PDE3B: variants seen among roughly 807,000 people sequenced by gnomAD.
PDE3B encodes the protein phosphodiesterase 3B, also known as cGMP-inhibited 3',5'-cyclic phosphodiesterase 3B.
A neutral mutation model predicts 116.8 loss-of-function variants in PDE3B; 66 were observed. That is an observed-to-expected ratio of 0.56 (90% CI 0.46 to 0.69). The LOEUF (loss-of-function observed/expected upper bound fraction) is 0.69. PDE3B is among the 30% of genes least tolerant of loss of function. The probability of loss-of-function intolerance (pLI) is 0.00; values close to 1 mark genes in which losing one functional copy is unlikely to be tolerated. For missense variants in PDE3B, 1,384 were observed against 1,368.1 expected, an observed-to-expected ratio of 1.01 and a Z score of -0.18; for synonymous variants, 595 against 533.6, an observed-to-expected ratio of 1.12 and a Z score of -1.59.
intron 12 of PDE3B, among the ~76,000 whole-genome samples, chr11:14,851,869 G>A (rs1847760992): frequency 6.6e-6 from 1 of 152,062 alleles, no homozygotes; most frequent in African/African-American, 2.4e-5. Flanking sequence ...ATTTCTGATT[G>A]CCCACTTATT....
rs1160046784 is a variant in PDE3B, at chr11:14,645,026, G to A, written c.951G>A (p.Pro317=). The change falls in exon 1 of 16, where the codon CCG becomes CCA. Residue 317 remains proline (P), a synonymous_variant. Coordinates refer to ENST00000282096, the MANE Select transcript of PDE3B (RefSeq NM_000922.4). ...YYGSCKIFRR[P]SLPCISREQM... Reference sequence around the variant, plus strand: ...GCAGTTGCAAAATATTCAGGAGACCGTCGTTGCCTTGTATTTCCAGAGAAC... The same window carrying A: ...GCAGTTGCAAAATATTCAGGAGACCATCGTTGCCTTGTATTTCCAGAGAAC... 1.2e-6 allele frequency: 2 copies of A among 1,611,254 alleles called. No homozygotes were observed. Among genetic ancestry groups the A allele is most frequent in the Admixed American group, 3.4e-5 (2 of 59,640 alleles).
Position 14,850,359 on chromosome 11 carries a change from G to A in PDE3B, c.2520+6333G>A, listed in dbSNP as rs1412157097. ...GTTGTAGGGTGGGGGAAGGGGGGAG[G>A]GATAGCTTTAGGAGATATACCTAAT... On this transcript the variant is annotated intron_variant, in intron 12 of 15. Coordinates refer to ENST00000282096, the MANE Select transcript of PDE3B (RefSeq NM_000922.4). Among the ~76,000 whole-genome samples the A allele has an allele frequency of 3.3e-5, 5 of 151,874 alleles. No homozygotes were observed. The East Asian group carries it at 9.6e-4, about 29-fold the overall frequency.
At chr11:14,739,150 G>A (rs1856689091) in intron 1 of PDE3B, among the ~76,000 whole-genome samples, 1 of 152,182 alleles carries the variant, frequency 6.6e-6, no homozygotes, top group African/African-American at 2.4e-5. Flanking sequence ...AAAGTCAATG[G>A]TAGCTTGATG....
intron 1 of PDE3B, among the ~76,000 whole-genome samples, chr11:14,731,691 C>G (rs1313230861): frequency 6.6e-6 from 1 of 152,100 alleles, no homozygotes; most frequent in Non-Finnish European, 1.5e-5. Context: ...CAGAGAAACT[C>G]AGTCATATAA....
intron 12 of PDE3B, 96 bp downstream of exon 12, chr11:14,844,122 C>A: frequency 3.5e-6 from 3 of 852,164 alleles, no homozygotes; most frequent in Admixed American, 1.9e-5. Flanking sequence ...ATCATATGTC[C>A]AATCCATCTG....
intron 1 of PDE3B, among the ~76,000 whole-genome samples, chr11:14,761,563 T>G (rs1857360274): frequency 6.6e-6 from 1 of 152,168 alleles, no homozygotes; most frequent in African/African-American, 2.4e-5. Context: ...TGTTTAAAGT[T>G]TATTGGAAAA....
At chr11:14,753,034 T>C (rs187350431) in intron 1 of PDE3B, among the ~76,000 whole-genome samples, 2 of 152,278 alleles carry the variant, frequency 1.3e-5, no homozygotes, top group East Asian at 3.9e-4. Context: ...GTGGAAGTGG[T>C]AAGATAACAT....
intron 1 of PDE3B, among the ~76,000 whole-genome samples, chr11:14,740,854 A>G (rs542656948): frequency 2.0e-5 from 3 of 152,184 alleles, no homozygotes; most frequent in African/African-American, 7.2e-5. Flanking sequence ...TAATTTCCTT[A>G]TTTACACAGT....
At chr11:14,780,002 AAGC>A in intron 2 of PDE3B, among the ~76,000 whole-genome samples, 1 of 152,024 alleles carries the variant, frequency 6.6e-6, no homozygotes, top group Non-Finnish European at 1.5e-5. Context: ...AAAAAAAAAA[AAGC>A]AGGGGTTGCA....
intron 1 of PDE3B, among the ~76,000 whole-genome samples, chr11:14,731,759 C>T (rs1856464886): frequency 6.6e-6 from 1 of 152,090 alleles, no homozygotes; most frequent in Non-Finnish European, 1.5e-5. Context: ...TTTTAAATTT[C>T]ACTTATTTAT....
In PDE3B at chr11:14,644,683, G is replaced by T. The variant is rs534858355; in HGVS notation, c.608G>T (p.Cys203Phe). The T allele has an allele frequency of 1.4e-5, 21 of 1,511,200 alleles. No homozygotes were observed. In the South Asian group the frequency reaches 2.7e-4, roughly 19 times the overall value. 93.6% of individuals were successfully genotyped at this position (1,511,200 alleles called of 1,614,324 possible). ...AAGRLLLVLS[C>F]VGLLLTLAHP... ...GGCAGGTTGCTGCTGGTGCTGAGCT[G>T]CGTAGGGCTGCTGCTGACGCTCGCG... The change falls in exon 1 of 16, where the codon TGC (cysteine) becomes TTC (phenylalanine). Residue 203 changes from cysteine (C) to phenylalanine (F), a missense_variant. This residue lies in a region of PDE3B where 956 missense variants were observed against 806.8 expected (regional missense o/e 1.18). Coordinates refer to ENST00000282096, the MANE Select transcript of PDE3B (RefSeq NM_000922.4).
intron 1 of PDE3B, among the ~76,000 whole-genome samples, chr11:14,753,909 C>T (rs1857117795): frequency 6.6e-6 from 1 of 151,930 alleles, no homozygotes; most frequent in Admixed American, 6.6e-5. Flanking sequence ...TAGTTCATTC[C>T]ATACCAATAA....
Position 14,859,116 on chromosome 11 carries a change from G to A in PDE3B, c.2594G>A (p.Arg865His), listed in dbSNP as rs781661071. The part of the protein sequence containing the change: ...AASAWNLYLS[R>H]PEYNFLLHLD... ...TCAGCTTGGAATCTATATCTTTCTCGCCCAGAATACAACTTCCTTCTTCAT... is the reference window on the plus strand; with the variant it reads ...TCAGCTTGGAATCTATATCTTTCTCACCCAGAATACAACTTCCTTCTTCAT... Residue 865 changes from arginine to histidine, a missense_variant, in exon 13 of 16, where the codon CGC becomes CAC. By Grantham distance (29) the Arg-to-His change is conservative. Transcript: ENST00000282096. The A allele has an allele frequency of 7.4e-6, 12 of 1,613,250 alleles. No homozygotes were observed. Among genetic ancestry groups the A allele is most frequent in the Middle Eastern group, 1.6e-4 (1 of 6,080 alleles).
At chr11:14,866,527 C>T (rs533374257) in intron 14 of PDE3B, among the ~76,000 whole-genome samples, 22 of 152,256 alleles carry the variant, frequency 1.4e-4, no homozygotes, top group African/African-American at 4.3e-4. Context: ...TAGATAAACC[C>T]AACTGTTTTT....
intron 1 of PDE3B, among the ~76,000 whole-genome samples, chr11:14,722,643 G>C (rs1469456430): frequency 1.3e-5 from 2 of 152,172 alleles, no homozygotes; most frequent in African/African-American, 2.4e-5. Flanking sequence ...CAATAACCAT[G>C]TGAGCGAGCT....
Position 14,701,344 on chromosome 11 carries a change from CA to C in PDE3B, c.978+56293del, listed in dbSNP as rs1855355515. 2.6e-5 allele frequency among the ~76,000 whole-genome samples: 4 copies of C among 151,680 alleles called. No individual in the cohort carries two copies. The South Asian group carries it at 8.3e-4, about 31-fold the overall frequency. ...TTCAGTTATTCACACCATCTCTTTA[CA>C]AGTGATAATCAAAAATTATTTCAAA... On this transcript the variant is annotated intron_variant, in intron 1 of 15. Coordinates refer to ENST00000282096, the MANE Select transcript of PDE3B (RefSeq NM_000922.4).
At chr11:14,744,929 GT>G (rs1856868862) in intron 1 of PDE3B, among the ~76,000 whole-genome samples, 1 of 152,136 alleles carries the variant, frequency 6.6e-6, no homozygotes, top group African/African-American at 2.4e-5. Flanking sequence ...TAGTATAATT[GT>G]TCTTTAAGTG....
intron 1 of PDE3B, among the ~76,000 whole-genome samples, chr11:14,658,520 T>G (rs1341365147): frequency 1.3e-5 from 2 of 152,132 alleles, no homozygotes; most frequent in Non-Finnish European, 2.9e-5. Flanking sequence ...CACTCCCAGC[T>G]AATTTTTGTA....
chr11:14,869,502 C>T lies in PDE3B; in HGVS notation c.3181C>T (p.Leu1061=). The change falls in exon 16 of 16, where the codon CTA becomes TTA. Residue 1061 remains leucine (L), a synonymous_variant. Coordinates refer to ENST00000282096, the MANE Select transcript of PDE3B (RefSeq NM_000922.4). ...RKSRRRIFCQ[L]MHHLTENHKI... is the part of the protein sequence containing the mutation. ...AAGCAGACGGCGAATATTTTGTCAGCTAATGCACCACCTCACTGAAAACCA... is the reference window on the plus strand; with the variant it reads ...AAGCAGACGGCGAATATTTTGTCAGTTAATGCACCACCTCACTGAAAACCA... 1 of 1,613,138 alleles carries T rather than the reference C, an allele frequency of 6.2e-7. No individual in the cohort carries two copies. The highest frequency in any genetic ancestry group is 1.1e-5 in the South Asian group (1 of 90,956).
Sources: allele counts gnomAD v4.1 joint callset (sites outside exome capture counted in the v4.1 genomes callset), GRCh38; gene constraint gnomAD v4.1.1; regional missense constraint gnomAD v4.1.1; transcripts MANE v1.5; gene names NCBI Gene and HGNC (gene_info 2026-07-23, HGNC 2026-07-21).